The following FKBP6 variants were observed in gnomAD, a reference collection of about 807,000 sequenced individuals.
FKBP6 encodes FKBP prolyl isomerase family member 6 (inactive).
A neutral mutation model predicts 41.7 loss-of-function variants in FKBP6; 29 were observed. The ratio of observed to expected loss-of-function variants is 0.70; its 90% confidence interval spans 0.52 to 0.95. FKBP6 has a LOEUF of 0.95. Among genes scored for constraint, FKBP6 ranks in the 40% least tolerant of loss-of-function variants. The pLI is 0.00. For synonymous variants in FKBP6, 130 were observed against 165.1 expected (o/e 0.79, Z 1.63); for missense variants, 338 against 408.7 (o/e 0.83, Z 1.49).
At chr7:73,344,123 A>G (rs1554549988) in intron 8 of FKBP6, among the ~76,000 whole-genome samples, 1 of 152,154 alleles carries the variant, frequency 6.6e-6, no homozygotes, top group African/African-American at 2.4e-5. Context: ...GAGCCAGAGG[A>G]CTTCCCTTGT....
chr7:73,336,571 G>A (rs193280577), intron 5 of FKBP6, among the ~76,000 whole-genome samples: 13 of 152,180 alleles, frequency 8.5e-5, no homozygotes, highest in East Asian at 3.9e-4. Context: ...TTGTGCCCTC[G>A]TTAATGTCAC....
At chr7:73,357,986 CAAAAA>C (rs60447125) in intron 8 of FKBP6, among the ~76,000 whole-genome samples, 190 bp from the exon 9 acceptor site, 1 of 101,270 alleles carries the variant, frequency 9.9e-6, no homozygotes, top group Non-Finnish European at 2.1e-5. Flanking sequence ...GGCTCTGTCT[CAAAAA>C]AAAAAAAAAA....
chr7:73,357,427 T>A (rs1805664755), intron 8 of FKBP6, among the ~76,000 whole-genome samples: 1 of 151,834 alleles, frequency 6.6e-6, no homozygotes, highest in Non-Finnish European at 1.5e-5. Context: ...GCCTGGCTAA[T>A]TTTTGTATTT....
chr7:73,342,619 G>C (rs531263413), intron 7 of FKBP6, among the ~76,000 whole-genome samples, 188 bp from the exon 8 acceptor site: 1 of 152,284 alleles, frequency 6.6e-6, no homozygotes, highest in Admixed American at 6.5e-5. Flanking sequence ...CAGGGGCTTG[G>C]CTCCTTGGCC....
At chr7:73,330,447 C>T (rs1554547488) in intron 4 of FKBP6, 95 bp downstream of exon 4, 12 of 970,116 alleles carry the variant, frequency 1.2e-5, no homozygotes, top group Admixed American at 1.9e-5. Flanking sequence ...TGAGGCTGAT[C>T]GTCCTCTCCA....
Position 73,328,204 on chromosome 7 carries a change from C to T in FKBP6, c.-225C>T. The T allele has an allele frequency of 6.5e-7, 1 of 1,548,646 alleles. No homozygotes were observed. Among genetic ancestry groups the T allele is most frequent in the East Asian group, 2.4e-5 (1 of 40,898 alleles). On this transcript the variant is annotated 5_prime_UTR_variant, in exon 1 of 9. Coordinates refer to ENST00000252037, the MANE Select transcript of FKBP6 (RefSeq NM_003602.5). ...CCATTACGGATCATACCTCGCACCT[C>T]ACCGCGTGGCCTCTGTAGTTCCAGA...
At chr7:73,342,284 ATCT>A (rs1288096281) in intron 7 of FKBP6, among the ~76,000 whole-genome samples, 3 of 152,194 alleles carry the variant, frequency 2.0e-5, no homozygotes, top group Non-Finnish European at 2.9e-5. Flanking sequence ...TTTAAGGTAT[ATCT>A]TCTTCTGTAA....
intron 8 of FKBP6, among the ~76,000 whole-genome samples, chr7:73,350,406 T>C (rs931463845): frequency 3.3e-5 from 5 of 152,112 alleles, no homozygotes; most frequent in Non-Finnish European, 7.4e-5. Flanking sequence ...AGTGTTTTCA[T>C]TGGATTTGAA....
At chr7:73,347,441 G>C (rs1554550435) in intron 8 of FKBP6, among the ~76,000 whole-genome samples, 3 of 152,160 alleles carry the variant, frequency 2.0e-5, no homozygotes. Context: ...GTTTCTTCTG[G>C]AGAGTCTTCC....
At chr7:73,356,201 G>A (rs1554551917) in intron 8 of FKBP6, among the ~76,000 whole-genome samples, 1 of 151,772 alleles carries the variant, frequency 6.6e-6, no homozygotes, top group African/African-American at 2.4e-5. Context: ...GAACTACGTC[G>A]TTTTTAAGAA....
intron 5 of FKBP6, 58 bp from the exon 6 acceptor site, chr7:73,340,580 T>C: frequency 6.9e-7 from 1 of 1,439,002 alleles, no homozygotes; most frequent in Admixed American, 1.7e-5. Flanking sequence ...GTGGATTCTT[T>C]AGGGTTTTGT....
rs111423741 is a variant in FKBP6 at position 73,343,059 on chromosome 7, G to A, written c.*2+160G>A. ...AACACAACGGTAGTGCAGGATGCACGTGCTGCACGCCTACCTTTCCCGTGA... is the reference window on the plus strand; with the variant it reads ...AACACAACGGTAGTGCAGGATGCACATGCTGCACGCCTACCTTTCCCGTGA... On this transcript the variant is annotated intron_variant, in intron 8 of 8. Transcript: ENST00000252037. Among the ~76,000 whole-genome samples, 1,433 of 152,366 alleles carry A rather than the reference G, an allele frequency of 9.4e-3. 11 individuals are homozygous for A. The highest frequency in any genetic ancestry group is 0.014 in the Non-Finnish European group (960 of 68,030).
At chr7:73,337,520 G>A (rs1291030428) in intron 5 of FKBP6, among the ~76,000 whole-genome samples, 6 of 151,666 alleles carry the variant, frequency 4.0e-5, no homozygotes, top group African/African-American at 1.5e-4. Flanking sequence ...TTCCATGTTG[G>A]CCAGGCTGAT....
chr7:73,347,181 T>A lies in FKBP6; in HGVS notation c.*2+4282T>A, dbSNP rs985109489. Among the ~76,000 whole-genome samples the A allele has an allele frequency of 1.2e-4, 18 of 152,358 alleles. 1 individual carries two copies. Among genetic ancestry groups the A allele is most frequent in the Middle Eastern group, 3.4e-3 (1 of 294 alleles). ...TAGTATTGCCTAGCATTTATACTGT[T>A]TTCTTAGTGTATTTTTATTAATTTT... On this transcript the variant is annotated intron_variant, in intron 8 of 8. Coordinates refer to ENST00000252037, the MANE Select transcript of FKBP6 (RefSeq NM_003602.5).
At chr7:73,356,159 C>T (rs977610325) in intron 8 of FKBP6, among the ~76,000 whole-genome samples, 1 of 150,276 alleles carries the variant, frequency 6.7e-6, no homozygotes, top group African/African-American at 2.4e-5. Flanking sequence ...ATTTTTATTG[C>T]ATTTTGAGTG....
At chr7:73,353,992 C>T (rs1199947504) in intron 8 of FKBP6, among the ~76,000 whole-genome samples, 1 of 152,028 alleles carries the variant, frequency 6.6e-6, no homozygotes, top group Non-Finnish European at 1.5e-5. Context: ...GCCTTGGCCT[C>T]CCTAAACCTT....
At chr7:73,351,793 G>A (rs1245627647) in intron 8 of FKBP6, among the ~76,000 whole-genome samples, 1 of 152,082 alleles carries the variant, frequency 6.6e-6, no homozygotes, top group Non-Finnish European at 1.5e-5. Context: ...GTTCAATCCT[G>A]GAGATAACTG....
Position 73,328,327 on chromosome 7 carries a change from C to G in FKBP6, c.-102C>G. The G allele has an allele frequency of 6.5e-7, 1 of 1,549,936 alleles. No individual in the cohort carries two copies. The highest frequency in any genetic ancestry group is 1.2e-5 in the South Asian group (1 of 83,994). On this transcript the variant is annotated 5_prime_UTR_variant, in exon 1 of 9. Transcript: ENST00000252037. ...AATGCCGCCGTCGGTAGGGGTCTGC[C>G]GGGCATAAAGGGGCCTTCGGAACCC...
At chr7:73,329,293 A>G in intron 2 of FKBP6, 67 bp from the exon 3 acceptor site, 1 of 887,238 alleles carries the variant, frequency 1.1e-6, no homozygotes. Flanking sequence ...TGATCATGAG[A>G]GACTCGATAT....
Sources: gnomAD v4.1 joint callset for allele counts (sites outside exome capture counted in the v4.1 genomes callset) on GRCh38, gnomAD v4.1.1 for gene constraint, MANE v1.5 for transcripts, NCBI Gene and HGNC (gene_info 2026-07-23, HGNC 2026-07-21) for gene names.